The following ELP1 variants were observed in gnomAD, a reference collection of about 807,000 sequenced individuals.
The protein encoded by ELP1 is elongator acetyltransferase complex subunit 1.
ELP1 carries 131 observed loss-of-function variants against 183.2 expected under a neutral mutation model. The ratio of observed to expected loss-of-function variants is 0.72; its 90% CI spans 0.62 to 0.83. ELP1 has a LOEUF of 0.83. Ranked by LOEUF, ELP1 falls within the 40% of genes least tolerant of loss-of-function variation. ELP1 has a pLI of 0.00. For missense variants in ELP1, 1,550 were observed against 1,594.9 expected (o/e 0.97, Z 0.48); for synonymous variants, 555 against 569.0 (o/e 0.98, Z 0.35).
chr9:108,880,017 C>T (rs764894465), intron 32 of ELP1, 35 bp downstream of exon 32: 14 of 1,309,018 alleles, frequency 1.1e-5, no homozygotes, highest in South Asian at 3.5e-5. Context: ...ACCCCACTGC[C>T]CCCGCACGTC....
At chr9:108,926,468 G>A (rs1444692765) in intron 5 of ELP1, 55 bp downstream of exon 5, 2 of 1,362,642 alleles carry the variant, frequency 1.5e-6, no homozygotes, top group African/African-American at 2.9e-5. Context: ...ACAAGGAAAT[G>A]GTCAAAAATG....
chr9:108,904,368 T>C (rs1418691958), intron 14 of ELP1, among the ~76,000 whole-genome samples: 1 of 151,342 alleles, frequency 6.6e-6, no homozygotes, highest in Non-Finnish European at 1.5e-5. Flanking sequence ...CCTCACCTTC[T>C]CAAGTAGCTT....
intron 12 of ELP1, among the ~76,000 whole-genome samples, chr9:108,909,019 T>C (rs997298694): frequency 6.6e-6 from 1 of 152,032 alleles, no homozygotes; most frequent in African/African-American, 2.4e-5. Flanking sequence ...CTCTTTCTTT[T>C]TTCTTCTTTG....
chr9:108,929,060 G>C (rs372901332), intron 3 of ELP1, among the ~76,000 whole-genome samples: 3 of 152,322 alleles, frequency 2.0e-5, no homozygotes, highest in Admixed American at 6.5e-5. Context: ...TTTAAAAAGT[G>C]CCAGGCACAT....
intron 36 of ELP1, among the ~76,000 whole-genome samples, chr9:108,869,758 T>C (rs1827369028): frequency 6.6e-6 from 1 of 152,138 alleles, no homozygotes; most frequent in Non-Finnish European, 1.5e-5. Flanking sequence ...TCACTTAGAT[T>C]TGTTAAGTTT....
chr9:108,878,723 C>G lies in ELP1; in HGVS notation c.3600G>C (p.Ala1200=). Residue 1200 remains alanine, a synonymous_variant, in exon 34 of 37, where the codon GCG becomes GCC. Transcript: ENST00000374647. ...CTTTGAGGCTGTGCTTCTTCCGCTCCGCTTTTCGGCGATTCTTGGATGATC... is the reference window on the plus strand; with the variant it reads ...CTTTGAGGCTGTGCTTCTTCCGCTCGGCTTTTCGGCGATTCTTGGATGATC... The part of the protein sequence containing the change: ...SARSSKNRRK[A]ERKKHSLKEG... The G allele has an allele frequency of 6.2e-7, 1 of 1,614,180 alleles. No homozygotes were observed. Among genetic ancestry groups the G allele is most frequent in the Non-Finnish European group, 8.5e-7 (1 of 1,180,038 alleles).
chr9:108,898,645 G>C lies in ELP1; in HGVS notation c.2283+26C>G, dbSNP rs16913665. 9,088 of 1,597,686 alleles carry C rather than the reference G, an allele frequency of 5.7e-3. 503 individuals carry two copies. In the African/African-American group the frequency reaches 0.11, roughly 20 times the overall value. On this transcript the variant is annotated intron_variant, in intron 21 of 36. Coordinates refer to ENST00000374647, the MANE Select transcript of ELP1 (RefSeq NM_003640.5). ...ATTAGTTTAAGTACAAAGTAAGCTAGAGTAAATGACAGCTTAGAAAGTTAC... is the reference window on the plus strand; with the variant it reads ...ATTAGTTTAAGTACAAAGTAAGCTACAGTAAATGACAGCTTAGAAAGTTAC...
intron 24 of ELP1, 74 bp downstream of exon 24, chr9:108,896,879 G>T (rs1366124664): frequency 2.3e-6 from 3 of 1,315,340 alleles, no homozygotes; most frequent in Non-Finnish European, 3.3e-6. Context: ...GCAATGACAT[G>T]GTGATTGTCA....
intron 2 of ELP1, among the ~76,000 whole-genome samples, chr9:108,930,438 C>T (rs993114180): frequency 7.2e-5 from 11 of 152,150 alleles, no homozygotes; most frequent in African/African-American, 2.4e-4. Flanking sequence ...CAATTAAAAA[C>T]CACTCTTGGC....
chr9:108,917,487 TC>T, intron 9 of ELP1, 59 bp downstream of exon 9: 2 of 1,462,804 alleles, frequency 1.4e-6, no homozygotes, highest in Non-Finnish European at 1.9e-6. Flanking sequence ...AAAAAAAAAT[TC>T]CCTCTATAGC....
intron 25 of ELP1, among the ~76,000 whole-genome samples, chr9:108,895,149 A>G (rs924359992): frequency 2.0e-5 from 3 of 152,106 alleles, no homozygotes; most frequent in African/African-American, 7.2e-5. Flanking sequence ...AGATTGCTTG[A>G]GCCTAGGAGG....
Position 108,917,678 on chromosome 9 carries a change from C to T in ELP1, c.741-8G>A, listed in dbSNP as rs962023744. Reference sequence around the variant, plus strand: ...ATCAAACTGCCTGAGGGTCTTAAAGCAAACTCAGAGTGTTACAATATCGAA... The same window carrying T: ...ATCAAACTGCCTGAGGGTCTTAAAGTAAACTCAGAGTGTTACAATATCGAA... On this transcript the variant is annotated splice_region_variant and splice_polypyrimidine_tract_variant and intron_variant, in intron 8 of 36. Coordinates refer to ENST00000374647, the MANE Select transcript of ELP1 (RefSeq NM_003640.5). 7 of 1,610,666 alleles carry T rather than the reference C, an allele frequency of 4.3e-6. No individual in the cohort carries two copies. The African/African-American group carries it at 6.8e-5, about 16-fold the overall frequency.
At chr9:108,921,886 C>T (rs1005016266) in intron 6 of ELP1, among the ~76,000 whole-genome samples, 2 of 152,210 alleles carry the variant, frequency 1.3e-5, no homozygotes, top group Non-Finnish European at 2.9e-5. Flanking sequence ...ATTTGAGTGC[C>T]TACACTGTGC....
intron 35 of ELP1, 77 bp from the exon 36 acceptor site, chr9:108,875,047 T>G: frequency 1.1e-6 from 1 of 911,286 alleles, no homozygotes; most frequent in Non-Finnish European, 1.8e-6. Context: ...GCCAAATCCC[T>G]ACCCCCAGAA....
At chr9:108,899,988 T>C in intron 19 of ELP1, 93 bp from the exon 20 acceptor site, 1 of 991,376 alleles carries the variant, frequency 1.0e-6, no homozygotes, top group Non-Finnish European at 1.6e-6. Context: ...CACAGAGAAT[T>C]ACCACAACTC....
At position 108,893,095 on chromosome 9, in the gene ELP1, A is replaced by C. The variant is rs746590157; in HGVS notation, c.2861-12T>G. On this transcript the variant is annotated splice_polypyrimidine_tract_variant and intron_variant, in intron 26 of 36. Coordinates refer to ENST00000374647, the MANE Select transcript of ELP1 (RefSeq NM_003640.5). ...GAAGTACTCAGGTCCTGCAGGAAAAAGATTCACACAAAGACAGGCTTAAGA... is the reference window on the plus strand; with the variant it reads ...GAAGTACTCAGGTCCTGCAGGAAAACGATTCACACAAAGACAGGCTTAAGA... 5.1e-6 allele frequency: 8 copies of C among 1,575,628 alleles called. No homozygotes were observed. In the East Asian group the frequency reaches 9.0e-5, roughly 18 times the overall value.
chr9:108,876,464 C>G (rs1029141263), intron 35 of ELP1, among the ~76,000 whole-genome samples: 1 of 152,122 alleles, frequency 6.6e-6, no homozygotes, highest in African/African-American at 2.4e-5. Flanking sequence ...TCTATTGAAG[C>G]ACACAGAGAA....
At chr9:108,893,700 A>G (rs948074323) in intron 26 of ELP1, among the ~76,000 whole-genome samples, 65 of 152,230 alleles carry the variant, frequency 4.3e-4, no homozygotes, top group Non-Finnish European at 4.6e-4. Flanking sequence ...ACAGGTGCTC[A>G]TTCTTAACCA....
chr9:108,875,032 CA>C (rs1314375640), intron 35 of ELP1, 62 bp from the exon 36 acceptor site: 12 of 1,102,104 alleles, frequency 1.1e-5, no homozygotes, highest in Non-Finnish European at 1.5e-5. Flanking sequence ...CTGCCAATAC[CA>C]AAGGCCAAAT....
Sources: allele counts gnomAD v4.1 joint callset (sites outside exome capture counted in the v4.1 genomes callset), GRCh38; gene constraint gnomAD v4.1.1; transcripts MANE v1.5; gene names NCBI Gene and HGNC (gene_info 2026-07-23, HGNC 2026-07-21).